The following NGEF variants were observed in gnomAD, a reference collection of about 807,000 sequenced individuals.
NGEF encodes the protein neuronal guanine nucleotide exchange factor, also known as ephexin-1.
In NGEF, 31 loss-of-function variants were observed where a neutral mutation model predicts 80.9. The observed-to-expected ratio is 0.38, with a 90% CI of 0.29 to 0.52. The LOEUF (loss-of-function observed/expected upper bound fraction) is 0.52, where lower values mean the gene tolerates loss of function less well. Among genes scored for constraint, NGEF ranks in the 20% least tolerant of loss-of-function variants. The pLI, the probability that NGEF is intolerant of heterozygous loss-of-function variation, is 0.84. For missense variants in NGEF, 709 were observed against 926.2 expected (o/e 0.77, Z 3.04); for synonymous variants, 371 against 370.2 (o/e 1.00, Z -0.03).
At chr2:232,909,509 G>A (rs142609858) in intron 5 of NGEF, among the ~76,000 whole-genome samples, 1 of 152,086 alleles carries the variant, frequency 6.6e-6, no homozygotes, top group African/African-American at 2.4e-5. Flanking sequence ...CACTTATTTT[G>A]TTAGGTCAAA....
chr2:232,967,709 GT>G (rs1694094265), intron 3 of NGEF, among the ~76,000 whole-genome samples: 11 of 80,346 alleles, frequency 1.4e-4, no homozygotes, highest in African/African-American at 4.4e-4. Context: ...AAATAGGGGT[GT>G]GTGTGTGTGT....
intron 3 of NGEF, among the ~76,000 whole-genome samples, chr2:232,955,073 A>C (rs1693793154): frequency 6.6e-6 from 1 of 152,218 alleles, no homozygotes; most frequent in Admixed American, 6.5e-5. Context: ...GAAAGCCGAA[A>C]TAACCTGCCT....
intron 1 of NGEF, among the ~76,000 whole-genome samples, chr2:232,998,977 G>A (rs1184779772): frequency 6.6e-6 from 1 of 152,306 alleles, no homozygotes; most frequent in Non-Finnish European, 1.5e-5. Context: ...GCCACACTGT[G>A]CTAGGCCTCT....
At chr2:232,995,151 TACA>T (rs1694766849) in intron 1 of NGEF, among the ~76,000 whole-genome samples, 1 of 35,122 alleles carries the variant, frequency 2.8e-5, no homozygotes. Flanking sequence ...TGTATATATG[TACA>T]GTATGTATAC....
intron 2 of NGEF, among the ~76,000 whole-genome samples, chr2:232,970,721 A>C (rs1694168000): frequency 1.3e-5 from 2 of 152,082 alleles, no homozygotes; most frequent in Admixed American, 1.3e-4. Flanking sequence ...AGGCTGAGGC[A>C]GATGAATTGC....
intron 9 of NGEF, among the ~76,000 whole-genome samples, 178 bp downstream of exon 9, chr2:232,887,855 C>T (rs1186662658): frequency 6.6e-6 from 1 of 152,184 alleles, no homozygotes; most frequent in African/African-American, 2.4e-5. Context: ...TCTACCCAAG[C>T]CATGCCTGGT....
chr2:232,971,575 C>T (rs937907475), intron 2 of NGEF, among the ~76,000 whole-genome samples: 2 of 152,130 alleles, frequency 1.3e-5, no homozygotes, highest in Non-Finnish European at 2.9e-5. Flanking sequence ...GTCCCGGTTA[C>T]TTGGGAGGCT....
At chr2:232,898,556 G>A (rs566343399) in intron 5 of NGEF, among the ~76,000 whole-genome samples, 30 of 152,340 alleles carry the variant, frequency 2.0e-4, no homozygotes, top group African/African-American at 6.7e-4. Context: ...TGTTTGTCAT[G>A]TCGATATGGC....
intron 6 of NGEF, among the ~76,000 whole-genome samples, chr2:232,893,733 C>G (rs1691964402): frequency 6.6e-6 from 1 of 152,148 alleles, no homozygotes; most frequent in Non-Finnish European, 1.5e-5. Context: ...TGAGATCGCA[C>G]CATTGCACTA....
At chr2:233,009,104 A>G (rs1370999071) in intron 1 of NGEF, among the ~76,000 whole-genome samples, 1 of 152,112 alleles carries the variant, frequency 6.6e-6, no homozygotes, top group Non-Finnish European at 1.5e-5. Flanking sequence ...GCCCATCTTC[A>G]TAATTTTTAA....
At chr2:232,903,075 A>G (rs1272493588) in intron 5 of NGEF, among the ~76,000 whole-genome samples, 1 of 152,252 alleles carries the variant, frequency 6.6e-6, no homozygotes, top group Non-Finnish European at 1.5e-5. Flanking sequence ...AAGGCACCAC[A>G]TTAGTGGCAG....
chr2:232,960,336 T>A (rs1693921587), intron 3 of NGEF, among the ~76,000 whole-genome samples: 1 of 152,214 alleles, frequency 6.6e-6, no homozygotes, highest in Admixed American at 6.5e-5. Context: ...AGGAATAAAG[T>A]CCCAACACAA....
At chr2:233,001,653 A>T (rs57112086) in intron 1 of NGEF, among the ~76,000 whole-genome samples, 3,301 of 152,334 alleles carry the variant, frequency 0.022, 124 homozygotes, top group African/African-American at 0.076. Context: ...GAGTTTTTCA[A>T]GAGGCAGATG....
intron 1 of NGEF, among the ~76,000 whole-genome samples, chr2:233,004,994 G>A (rs770558560): frequency 2.0e-5 from 3 of 152,144 alleles, no homozygotes; most frequent in Non-Finnish European, 2.9e-5. Context: ...TCTTCCTAGT[G>A]TGAATGGCAG....
At chr2:232,982,351 C>T (rs1222168325) in intron 1 of NGEF, among the ~76,000 whole-genome samples, 1 of 152,116 alleles carries the variant, frequency 6.6e-6, no homozygotes, top group African/African-American at 2.4e-5. Context: ...CTTGAACCTA[C>T]CATCAAGGGG....
intron 1 of NGEF, among the ~76,000 whole-genome samples, chr2:233,003,865 A>G (rs559210970): frequency 6.6e-6 from 1 of 152,046 alleles, no homozygotes; most frequent in African/African-American, 2.4e-5. Context: ...CATGTACCCG[A>G]TATTGGTGGT....
At position 232,894,481 on chromosome 2, in the gene NGEF, C is replaced by T. The variant is rs144379759; in HGVS notation, c.989+275G>A. 6.5e-4 allele frequency: 192 copies of T among 294,874 alleles called. 2 individuals carry two copies. Among genetic ancestry groups the T allele is most frequent in the African/African-American group, 3.6e-3 (173 of 47,714 alleles). The allele number at this position is 294,874 out of a possible 1,614,324, so 18.3% of individuals were successfully genotyped here. A position where few individuals can be genotyped will look rare whatever the true frequency, so the allele number is the denominator to read the frequency against. On this transcript the variant is annotated intron_variant, in intron 6 of 14. Transcript: ENST00000264051. ...CATGAGAGAGCTGGACTCAGCGTCA[C>T]TCCAACCTGGGGCCAGCAGGATGCT...
intron 9 of NGEF, chr2:232,885,645 T>C (rs919713436): frequency 2.9e-5 from 13 of 442,608 alleles, no homozygotes; most frequent in Middle Eastern, 6.5e-4. Context: ...GCGTGAGGCA[T>C]CCCTCCTCCT....
rs754227975 is a variant in NGEF at position 232,894,834 on chromosome 2, C to T, written c.911G>A (p.Arg304Gln). The change falls in exon 6 of 15, where the codon CGG becomes CAG. Residue 304 changes from arginine to glutamine, a missense_variant. Transcript: ENST00000264051. The part of the protein sequence containing the change: ...LLVSHFMENE[R>Q]IRKILHPSEA... The stretch of plus-strand genomic sequence containing the variant: ...GGACGGGTGCAGGATCTTCCTTATC[C>T]GCTCGTTCTCCATGAAGTGGGACAC... 124 of 1,611,424 alleles carry T rather than the reference C, an allele frequency of 7.7e-5. No homozygotes were observed. Among genetic ancestry groups the T allele is most frequent in the Non-Finnish European group, 9.5e-5 (112 of 1,178,838 alleles).
Sources: gnomAD v4.1 joint callset for allele counts (sites outside exome capture counted in the v4.1 genomes callset) on GRCh38, gnomAD v4.1.1 for gene constraint, MANE v1.5 for transcripts, NCBI Gene and HGNC (gene_info 2026-07-23, HGNC 2026-07-21) for gene names.